Variants in STPG2 observed in about 807,000 individuals in gnomAD.
STPG2 encodes the protein sperm tail PG-rich repeat containing 2.
A neutral mutation model predicts 54.2 loss-of-function variants in STPG2; 56 were observed. The observed-to-expected ratio is 1.03, with a 90% CI of 0.83 to 1.29. The LOEUF is 1.29. Ranked by LOEUF, STPG2 falls within the 50% of genes most tolerant of loss-of-function variation. The probability of loss-of-function intolerance (pLI) is 0.00; values close to 1 mark genes in which losing one functional copy is unlikely to be tolerated. For missense variants in STPG2, 596 were observed against 544.9 expected, an observed-to-expected ratio of 1.09 and a Z score of -0.93; for synonymous variants, 200 against 181.8, an observed-to-expected ratio of 1.10 and a Z score of -0.81.
chr4:98,115,058 G>A (rs554214188), intron 3 of STPG2, among the ~76,000 whole-genome samples: 2 of 151,928 alleles, frequency 1.3e-5, no homozygotes, highest in African/African-American at 4.8e-5. Flanking sequence ...AGCAAACTCA[G>A]CATGGAACTG....
intron 3 of STPG2, among the ~76,000 whole-genome samples, chr4:98,119,808 T>C (rs1363150808): frequency 2.0e-5 from 3 of 152,278 alleles, no homozygotes; most frequent in African/African-American, 7.2e-5. Context: ...TCTCATCATT[T>C]AGCTCCCACT....
At chr4:97,572,326 C>T (rs1368777237) in intron 10 of STPG2, among the ~76,000 whole-genome samples, 2 of 152,086 alleles carry the variant, frequency 1.3e-5, no homozygotes, top group Non-Finnish European at 2.9e-5. Context: ...TGTTAGTAAC[C>T]ACTGCTTATT....
chr4:98,124,052 T>C (rs184706480), intron 3 of STPG2, among the ~76,000 whole-genome samples: 25 of 152,316 alleles, frequency 1.6e-4, no homozygotes, highest in Non-Finnish European at 2.2e-4. Flanking sequence ...CTCCATCCCT[T>C]TATTTTGAGC....
At chr4:97,698,915 G>T (rs1723674998) in intron 10 of STPG2, among the ~76,000 whole-genome samples, 1 of 152,194 alleles carries the variant, frequency 6.6e-6, no homozygotes, top group Non-Finnish European at 1.5e-5. Context: ...CTTGGTCAGA[G>T]GCAATGCTGT....
At chr4:97,943,102 A>T (rs1733052984) in intron 8 of STPG2, among the ~76,000 whole-genome samples, 2 of 152,098 alleles carry the variant, frequency 1.3e-5, no homozygotes, top group South Asian at 4.1e-4. Flanking sequence ...CATAGACAGT[A>T]TCTTCTCTGA....
chr4:97,883,636 C>T (rs1290090971), intron 8 of STPG2, among the ~76,000 whole-genome samples: 1 of 151,980 alleles, frequency 6.6e-6, no homozygotes, highest in Non-Finnish European at 1.5e-5. Flanking sequence ...ATTAATTCAT[C>T]ATTAGACTCG....
At chr4:97,538,780 G>A (rs968701464) in intron 4 of STPG2, among the ~76,000 whole-genome samples, 2 of 152,112 alleles carry the variant, frequency 1.3e-5, no homozygotes, top group East Asian at 1.9e-4. Context: ...AAATGTTAAG[G>A]GCAGCCAGAG....
chr4:97,873,072 A>G (rs1425026941), intron 8 of STPG2, among the ~76,000 whole-genome samples: 1 of 151,386 alleles, frequency 6.6e-6, no homozygotes, highest in East Asian at 1.9e-4. Context: ...AATAATACAC[A>G]TATACGTATG....
chr4:97,471,616 T>C (rs1729938533), intron 4 of STPG2, among the ~76,000 whole-genome samples: 1 of 152,060 alleles, frequency 6.6e-6, no homozygotes, highest in Non-Finnish European at 1.5e-5. Context: ...AGGAACTAAA[T>C]AGAAGTGGGA....
intron 4 of STPG2, among the ~76,000 whole-genome samples, chr4:97,492,861 T>C (rs1419651291): frequency 6.6e-6 from 1 of 150,524 alleles, no homozygotes; most frequent in Non-Finnish European, 1.5e-5. Context: ...ATTTCTAAGA[T>C]GGCCACACCA....
intron 4 of STPG2, among the ~76,000 whole-genome samples, chr4:97,491,006 A>G (rs1011560720): frequency 5.9e-5 from 9 of 151,528 alleles, no homozygotes; most frequent in African/African-American, 2.2e-4. Flanking sequence ...ACTAACTTGC[A>G]ATTTTTTGGA....
intron 4 of STPG2, among the ~76,000 whole-genome samples, chr4:97,538,035 C>T (rs1350246662): frequency 6.6e-6 from 1 of 152,092 alleles, no homozygotes; most frequent in African/African-American, 2.4e-5. Flanking sequence ...ACACCAAAAC[C>T]CCATCTGTAC....
chr4:97,651,050 T>C (rs1560703413), intron 10 of STPG2, among the ~76,000 whole-genome samples: 1 of 151,818 alleles, frequency 6.6e-6, no homozygotes, highest in Non-Finnish European at 1.5e-5. Context: ...GTGAGTATAG[T>C]AAAACATTCT....
chr4:97,477,494 T>G (rs980800278), intron 4 of STPG2, among the ~76,000 whole-genome samples: 2 of 148,802 alleles, frequency 1.3e-5, no homozygotes, highest in South Asian at 4.3e-4. Context: ...TTTTTTTTTT[T>G]GAGACTGACT....
At chr4:97,845,664 G>C (rs1728927471) in intron 8 of STPG2, among the ~76,000 whole-genome samples, 2 of 152,148 alleles carry the variant, frequency 1.3e-5, no homozygotes, top group South Asian at 4.1e-4. Context: ...CAATGAGTAA[G>C]TCTTGATAAA....
In STPG2 at chr4:97,764,025, T is replaced by A. The variant is rs966946442; in HGVS notation, c.1205-51211A>T. Among the ~76,000 whole-genome samples the A allele has an allele frequency of 2.6e-5, 4 of 151,710 alleles. No individual in the cohort carries two copies. The South Asian group carries it at 8.3e-4, about 31-fold the overall frequency. On this transcript the variant is annotated intron_variant, in intron 9 of 10. Transcript: ENST00000295268. ...TTTTAGCCACATGTGCCTTTTTTAG[T>A]TATTTGAATTCCATGCTCAGAATCA...
intron 5 of STPG2, among the ~76,000 whole-genome samples, chr4:98,022,706 T>G (rs1300861347): frequency 6.6e-6 from 1 of 152,210 alleles, no homozygotes; most frequent in African/African-American, 2.4e-5. Context: ...TCTTGGAGAC[T>G]TTGTCCGTTT....
At chr4:97,749,046 A>C (rs1197463376) in intron 9 of STPG2, among the ~76,000 whole-genome samples, 2 of 151,636 alleles carry the variant, frequency 1.3e-5, no homozygotes, top group Admixed American at 6.6e-5. Context: ...TCTTATATAA[A>C]GCAGATGTTC....
At chr4:97,935,050 T>C (rs1732698763) in intron 8 of STPG2, among the ~76,000 whole-genome samples, 1 of 152,212 alleles carries the variant, frequency 6.6e-6, no homozygotes, top group African/African-American at 2.4e-5. Flanking sequence ...TATTGGTCTA[T>C]TCAAGGATTC....
Sources: gnomAD v4.1 joint callset for allele counts (sites outside exome capture counted in the v4.1 genomes callset) on GRCh38, gnomAD v4.1.1 for gene constraint, MANE v1.5 for transcripts, NCBI Gene and HGNC (gene_info 2026-07-23, HGNC 2026-07-21) for gene names.